The following TMEM132D variants were observed in gnomAD, a reference collection of about 807,000 sequenced individuals.
TMEM132D encodes the protein mature OL transmembrane protein.
Under a neutral mutation model 62.3 loss-of-function variants are expected in TMEM132D, and 21 were observed. The observed-to-expected ratio is 0.34, with a 90% confidence interval of 0.24 to 0.49. The LOEUF is 0.49. Among genes scored for constraint, TMEM132D ranks in the 20% least tolerant of loss-of-function variants. The probability of loss-of-function intolerance (pLI) is 0.99; values close to 1 mark genes in which losing one functional copy is unlikely to be tolerated. For missense variants in TMEM132D, 1,346 were observed against 1,402.8 expected (o/e 0.96, Z 0.65); for synonymous variants, 621 against 575.6 (o/e 1.08, Z -1.13).
At chr12:129,545,907 G>A (rs754388241) in intron 2 of TMEM132D, among the ~76,000 whole-genome samples, 1 of 152,156 alleles carries the variant, frequency 6.6e-6, no homozygotes, top group Non-Finnish European at 1.5e-5. Flanking sequence ...TCCAGCAAGA[G>A]GACCAGGAAT....
intron 1 of TMEM132D, among the ~76,000 whole-genome samples, chr12:129,871,850 C>T (rs1032115442): frequency 1.3e-5 from 2 of 152,170 alleles, no homozygotes; most frequent in Non-Finnish European, 2.9e-5. Context: ...CTCTGAACCC[C>T]ACTAAAAATC....
intron 3 of TMEM132D, among the ~76,000 whole-genome samples, chr12:129,515,076 C>A (rs1300627145): frequency 1.3e-5 from 2 of 152,272 alleles, no homozygotes; most frequent in East Asian, 3.9e-4. Context: ...CCCCAGAGCC[C>A]CAGTTCAGCA....
chr12:129,394,273 C>T (rs1392949695), intron 3 of TMEM132D, among the ~76,000 whole-genome samples: 1 of 152,134 alleles, frequency 6.6e-6, no homozygotes, highest in Non-Finnish European at 1.5e-5. Context: ...CTCTGCTGTC[C>T]ACTGTTCCCG....
intron 4 of TMEM132D, among the ~76,000 whole-genome samples, chr12:129,270,266 G>A (rs1415137497): frequency 6.6e-6 from 1 of 152,138 alleles, no homozygotes; most frequent in Non-Finnish European, 1.5e-5. Context: ...AAGCTACAAA[G>A]CTATATTGAG....
At chr12:129,079,710 TCTACCC>T (rs1010415585) in intron 7 of TMEM132D, among the ~76,000 whole-genome samples, 2 of 152,166 alleles carry the variant, frequency 1.3e-5, no homozygotes, top group Non-Finnish European at 2.9e-5. Flanking sequence ...GCTCCATACT[TCTACCC>T]GAATGCCACC....
At chr12:129,647,683 G>C (rs1442391501) in intron 2 of TMEM132D, among the ~76,000 whole-genome samples, 1 of 152,146 alleles carries the variant, frequency 6.6e-6, no homozygotes, top group Non-Finnish European at 1.5e-5. Flanking sequence ...ATTGAGCATT[G>C]TTTCATATGC....
chr12:129,257,458 C>T (rs1288506417), intron 4 of TMEM132D, among the ~76,000 whole-genome samples: 3 of 151,954 alleles, frequency 2.0e-5, no homozygotes, highest in Admixed American at 2.0e-4. Context: ...ATCTGCCCGC[C>T]TCGGCCTCCC....
chr12:129,730,906 A>G (rs1014876672), intron 1 of TMEM132D, among the ~76,000 whole-genome samples: 1 of 151,756 alleles, frequency 6.6e-6, no homozygotes, highest in African/African-American at 2.4e-5. Context: ...TGGTTTCCCT[A>G]CTTTTGAGGT....
At chr12:129,876,815 T>C (rs1380250139) in intron 1 of TMEM132D, among the ~76,000 whole-genome samples, 1 of 152,232 alleles carries the variant, frequency 6.6e-6, no homozygotes, top group Admixed American at 6.5e-5. Context: ...CTCTCTCCTC[T>C]ACTGGAATTA....
chr12:129,351,518 C>CA (rs1480742473), intron 3 of TMEM132D, among the ~76,000 whole-genome samples: 1 of 152,160 alleles, frequency 6.6e-6, no homozygotes, highest in Non-Finnish European at 1.5e-5. Flanking sequence ...CAAGAGGGAA[C>CA]TTGTGCTTTG....
intron 2 of TMEM132D, among the ~76,000 whole-genome samples, chr12:129,583,316 G>A (rs1877931521): frequency 6.6e-6 from 1 of 152,176 alleles, no homozygotes; most frequent in Non-Finnish European, 1.5e-5. Flanking sequence ...ATCATTGGCT[G>A]CCTGTGGTCT....
At chr12:129,602,745 G>A (rs1304501888) in intron 2 of TMEM132D, among the ~76,000 whole-genome samples, 1 of 152,078 alleles carries the variant, frequency 6.6e-6, no homozygotes, top group Admixed American at 6.6e-5. Flanking sequence ...CCCCACCAGA[G>A]GGTTAATGTG....
intron 4 of TMEM132D, among the ~76,000 whole-genome samples, chr12:129,235,984 G>C (rs1479078685): frequency 6.6e-6 from 1 of 151,678 alleles, no homozygotes; most frequent in Non-Finnish European, 1.5e-5. Flanking sequence ...CATGAACGTG[G>C]AATATCTTTC....
In TMEM132D at chr12:129,115,828, G is replaced by A. The variant is rs1875876114; in HGVS notation, c.1444-31126C>T. On this transcript the variant is annotated intron_variant, in intron 5 of 8. Coordinates refer to ENST00000422113, the MANE Select transcript of TMEM132D (RefSeq NM_133448.3). Reference sequence around the variant, plus strand: ...CCACTTTCTGGCTGGACTGGCTGCAGAGGTCAACGCAGGGAGCTCTCAGGG... The same window carrying A: ...CCACTTTCTGGCTGGACTGGCTGCAAAGGTCAACGCAGGGAGCTCTCAGGG... Among the ~76,000 whole-genome samples the A allele has an allele frequency of 6.6e-5, 10 of 152,364 alleles. No individual in the cohort carries two copies. In the South Asian group the frequency reaches 2.1e-3, roughly 32 times the overall value.
chr12:129,265,755 C>G (rs144843780), intron 4 of TMEM132D, among the ~76,000 whole-genome samples: 7 of 152,146 alleles, frequency 4.6e-5, no homozygotes, highest in African/African-American at 7.2e-5. Context: ...TCCACATGCT[C>G]AGTCCCTCTC....
intron 3 of TMEM132D, among the ~76,000 whole-genome samples, chr12:129,376,558 C>T (rs1026231869): frequency 2.6e-5 from 4 of 152,146 alleles, no homozygotes; most frequent in Non-Finnish European, 5.9e-5. Flanking sequence ...GGGGACACAG[C>T]CAAACCATAT....
At chr12:129,355,698 T>C (rs1247611719) in intron 3 of TMEM132D, among the ~76,000 whole-genome samples, 1 of 152,186 alleles carries the variant, frequency 6.6e-6, no homozygotes, top group Non-Finnish European at 1.5e-5. Context: ...TGCATTTCAC[T>C]TTAAAAAGCC....
In TMEM132D at chr12:129,598,757, C is replaced by T. The variant is rs144980747; in HGVS notation, c.969-67552G>A. ...TTTGTAAAGATCTATGTTTTGGTAA[C>T]GATTGCAGAAATTTTTCTGCTTTTC... On this transcript the variant is annotated intron_variant, in intron 2 of 8. Transcript: ENST00000422113. Among the ~76,000 whole-genome samples the T allele has an allele frequency of 8.5e-5, 13 of 152,272 alleles. No homozygotes were observed. In the East Asian group the frequency reaches 1.2e-3, roughly 14 times the overall value.
chr12:129,595,863 A>G (rs780309751), intron 2 of TMEM132D, among the ~76,000 whole-genome samples: 5 of 152,240 alleles, frequency 3.3e-5, no homozygotes, highest in Non-Finnish European at 7.3e-5. Context: ...TCCCAGTGCC[A>G]TATGAGCTAG....
Sources: gnomAD v4.1 joint callset for allele counts (sites outside exome capture counted in the v4.1 genomes callset) on GRCh38, gnomAD v4.1.1 for gene constraint, MANE v1.5 for transcripts, NCBI Gene and HGNC (gene_info 2026-07-23, HGNC 2026-07-21) for gene names.